The following SYNPR variants were observed in gnomAD, a reference collection of about 807,000 sequenced individuals.
SYNPR encodes synaptoporin.
SYNPR carries 23 observed loss-of-function variants against 32.9 expected under a neutral mutation model. That is an observed-to-expected ratio of 0.70 (90% CI 0.50 to 0.99). The LOEUF (loss-of-function observed/expected upper bound fraction) is 0.99. Ranked by LOEUF, SYNPR falls within the 50% of genes least tolerant of loss-of-function variation. The probability of loss-of-function intolerance (pLI) is 0.00; values close to 1 mark genes in which losing one functional copy is unlikely to be tolerated. For missense variants in SYNPR, 318 were observed against 349.3 expected, an observed-to-expected ratio of 0.91 and a Z score of 0.71; for synonymous variants, 146 against 135.9, an observed-to-expected ratio of 1.07 and a Z score of -0.52.
intron 2 of SYNPR, among the ~76,000 whole-genome samples, chr3:63,361,562 C>T (rs181718333): frequency 2.1e-5 from 3 of 144,196 alleles, no homozygotes; most frequent in Non-Finnish European, 4.5e-5. Flanking sequence ...TGCACCACTG[C>T]GCTCCAGCCT....
Position 63,289,457 on chromosome 3 carries a change from G to A in SYNPR, c.84+10715G>A, listed in dbSNP as rs1263650495. ...CACTCATGGCAGAAGGCAGAGAGGA[G>A]CTGGTGTGTGCAGAGATCACATGGT... On this transcript the variant is annotated intron_variant, in intron 2 of 5. Transcript: ENST00000478300. 12 of 163,694 alleles carry A rather than the reference G, an allele frequency of 7.3e-5. 1 individual carries two copies. The highest frequency in any genetic ancestry group is 1.4e-4 in the Non-Finnish European group (11 of 77,656). The allele number at this position is 163,694 out of a possible 1,614,324, so 10.1% of individuals were successfully genotyped here.
intron 2 of SYNPR, among the ~76,000 whole-genome samples, chr3:63,256,867 T>C (rs933400659): frequency 2.0e-5 from 3 of 151,414 alleles, no homozygotes; most frequent in African/African-American, 7.3e-5. Context: ...TGCAGAGAAG[T>C]CCTTAAAGGA....
chr3:63,293,198 C>T lies in SYNPR; in HGVS notation c.84+14456C>T, dbSNP rs114776654. 8.7e-3 allele frequency among the ~76,000 whole-genome samples: 1,330 copies of T among 152,232 alleles called. 24 individuals are homozygous for T. The highest frequency in any genetic ancestry group is 0.029 in the African/African-American group (1,206 of 41,530). ...GTAATGACCTTATAAGGTCACTTGC[C>T]TCAAGTCACATAGGTGGTAAGTGAC... On this transcript the variant is annotated intron_variant, in intron 2 of 5. Coordinates refer to ENST00000478300, the MANE Select transcript of SYNPR (RefSeq NM_001130003.2).
chr3:63,296,133 G>A (rs2086789833), intron 2 of SYNPR, among the ~76,000 whole-genome samples: 1 of 152,132 alleles, frequency 6.6e-6, no homozygotes, highest in African/African-American at 2.4e-5. Context: ...TACAGCATAG[G>A]GGTTTTTGCC....
intron 3 of SYNPR, among the ~76,000 whole-genome samples, chr3:63,521,908 G>C (rs1701922780): frequency 6.6e-6 from 1 of 152,174 alleles, no homozygotes; most frequent in Non-Finnish European, 1.5e-5. Flanking sequence ...CCTCCTGCCA[G>C]TGCTTCCGAC....
intron 2 of SYNPR, among the ~76,000 whole-genome samples, chr3:63,441,074 T>C (rs1238938615): frequency 1.3e-5 from 2 of 152,190 alleles, no homozygotes; most frequent in Non-Finnish European, 2.9e-5. Context: ...GACAATGGCA[T>C]ACAATTAGGC....
intron 2 of SYNPR, among the ~76,000 whole-genome samples, chr3:63,257,078 C>G (rs1333246997): frequency 6.6e-6 from 1 of 152,062 alleles, no homozygotes; most frequent in Admixed American, 6.6e-5. Flanking sequence ...TGTGAAAAGA[C>G]CAAATCTATA....
chr3:63,219,551 C>T, the SYNPR span, among the ~76,000 whole-genome samples: 1 of 152,186 alleles, frequency 6.6e-6, no homozygotes, highest in Non-Finnish European at 1.5e-5. Flanking sequence ...TAGCTTTTGA[C>T]TCCCCCAAAA....
intron 2 of SYNPR, among the ~76,000 whole-genome samples, chr3:63,318,084 C>T (rs941826687): frequency 2.0e-5 from 3 of 152,012 alleles, no homozygotes; most frequent in Non-Finnish European, 4.4e-5. Context: ...GATAGGGCCC[C>T]AATTCTTTCT....
intron 2 of SYNPR, among the ~76,000 whole-genome samples, chr3:63,297,883 G>C (rs2086807284): frequency 1.3e-5 from 2 of 152,084 alleles, no homozygotes; most frequent in South Asian, 4.1e-4. Flanking sequence ...TTGGTTGCCA[G>C]AATGTGAAAG....
intron 2 of SYNPR, among the ~76,000 whole-genome samples, chr3:63,466,339 AG>A (rs938467738): frequency 6.6e-6 from 1 of 151,974 alleles, no homozygotes; most frequent in African/African-American, 2.4e-5. Context: ...AGAACTTCTC[AG>A]GGCCTGGGTT....
At chr3:63,419,670 G>C (rs1575634636) in intron 2 of SYNPR, among the ~76,000 whole-genome samples, 1 of 152,264 alleles carries the variant, frequency 6.6e-6, no homozygotes, top group South Asian at 2.1e-4. Context: ...ATTGCAATAT[G>C]ATCAGGAGCT....
the SYNPR span, among the ~76,000 whole-genome samples, chr3:63,221,510 G>C: frequency 6.6e-6 from 1 of 152,178 alleles, no homozygotes; most frequent in Non-Finnish European, 1.5e-5. Context: ...CAAGCAGGGA[G>C]TTGGAGTAGA....
chr3:63,523,825 A>G (rs1036872797), intron 3 of SYNPR, among the ~76,000 whole-genome samples: 2 of 152,188 alleles, frequency 1.3e-5, no homozygotes, highest in African/African-American at 2.4e-5. Flanking sequence ...ATGTACTATT[A>G]GGTGTTTTAT....
chr3:63,613,390 G>A (rs1700230210), intron 5 of SYNPR, among the ~76,000 whole-genome samples: 1 of 151,790 alleles, frequency 6.6e-6, no homozygotes, highest in Admixed American at 6.6e-5. Context: ...TTTACGTTTT[G>A]TATCTCCCTC....
intron 4 of SYNPR, among the ~76,000 whole-genome samples, chr3:63,583,920 G>A (rs764145883): frequency 6.6e-6 from 1 of 152,072 alleles, no homozygotes; most frequent in Non-Finnish European, 1.5e-5. Flanking sequence ...GAGGAAGAAT[G>A]AATTTTCCAT....
chr3:63,480,306 G>T (rs1367513644), intron 2 of SYNPR, among the ~76,000 whole-genome samples: 2 of 152,172 alleles, frequency 1.3e-5, no homozygotes, highest in Non-Finnish European at 2.9e-5. Context: ...CTCTAAAATA[G>T]CACCTCTTAG....
At chr3:63,579,951 A>G (rs1402829210) in intron 4 of SYNPR, among the ~76,000 whole-genome samples, 1 of 152,104 alleles carries the variant, frequency 6.6e-6, no homozygotes, top group Non-Finnish European at 1.5e-5. Flanking sequence ...TAAAAATATT[A>G]AAAATGAATT....
the SYNPR span, among the ~76,000 whole-genome samples, chr3:63,209,846 A>C: frequency 1.4e-4 from 22 of 152,338 alleles, no homozygotes; most frequent in African/African-American, 4.3e-4. Context: ...GTTGCTTAGC[A>C]TCTGTCTCCT....
Sources: allele counts gnomAD v4.1 joint callset (sites outside exome capture counted in the v4.1 genomes callset), GRCh38; gene constraint gnomAD v4.1.1; transcripts MANE v1.5; gene names NCBI Gene and HGNC (gene_info 2026-07-23, HGNC 2026-07-21).